RECQL: variants seen among roughly 807,000 people sequenced by gnomAD.
RECQL encodes the protein ATP-dependent DNA helicase Q1.
A neutral mutation model predicts 75.8 loss-of-function variants in RECQL; 73 were observed. That is an observed-to-expected ratio of 0.96 (90% confidence interval 0.80 to 1.17). The LOEUF (loss-of-function observed/expected upper bound fraction) is 1.17, where lower values mean the gene tolerates loss of function less well. Among genes scored for constraint, RECQL ranks in the 50% most tolerant of loss-of-function variants. The pLI, the probability that RECQL is intolerant of heterozygous loss-of-function variation, is 0.00. For synonymous variants in RECQL, 248 were observed against 254.4 expected (o/e 0.97, Z 0.24); for missense variants, 699 against 772.1 (o/e 0.91, Z 1.12).
chr12:21,477,574 T>C lies in RECQL; in HGVS notation c.867+229A>G, dbSNP rs143782902. Among the ~76,000 whole-genome samples the C allele has an allele frequency of 1.5e-3, 233 of 152,324 alleles. 2 individuals are homozygous for C. Among genetic ancestry groups the C allele is most frequent in the African/African-American group, 5.3e-3 (222 of 41,568 alleles). ...AAAGATATATGACTTACTCATATGT[T>C]TTATAAAAAGTATCACCTAGCAGGT... On this transcript the variant is annotated intron_variant, in intron 7 of 14. Coordinates refer to ENST00000444129, the MANE Select transcript of RECQL (RefSeq NM_002907.4).
intron 6 of RECQL, among the ~76,000 whole-genome samples, chr12:21,479,737 G>A (rs1225729669): frequency 6.6e-6 from 1 of 152,062 alleles, no homozygotes; most frequent in Non-Finnish European, 1.5e-5. Context: ...ACAAAACACT[G>A]AAGGAAAACC....
At chr12:21,485,957 T>C (rs1294504801) in intron 5 of RECQL, among the ~76,000 whole-genome samples, 1 of 152,156 alleles carries the variant, frequency 6.6e-6, no homozygotes, top group Admixed American at 6.5e-5. Flanking sequence ...AGGTATAGGG[T>C]AACTTCTTAA....
At chr12:21,476,590 C>T (rs573782826) in intron 8 of RECQL, among the ~76,000 whole-genome samples, 4 of 152,132 alleles carry the variant, frequency 2.6e-5, no homozygotes, top group African/African-American at 9.6e-5. Context: ...GTTGCTTAAT[C>T]CACTATTTTG....
At chr12:21,500,433 A>T (rs1943588172) in intron 1 of RECQL, among the ~76,000 whole-genome samples, 1 of 152,200 alleles carries the variant, frequency 6.6e-6, no homozygotes, top group Non-Finnish European at 1.5e-5. Context: ...GATGCTCTCC[A>T]AAAGTCACTT....
intron 5 of RECQL, among the ~76,000 whole-genome samples, chr12:21,485,502 C>T (rs970478523): frequency 6.6e-6 from 1 of 151,372 alleles, no homozygotes; most frequent in Non-Finnish European, 1.5e-5. Context: ...GGTATATCAA[C>T]CAAATACAAT....
At chr12:21,476,090 C>G (rs977428614) in intron 8 of RECQL, among the ~76,000 whole-genome samples, 7 of 152,026 alleles carry the variant, frequency 4.6e-5, no homozygotes, top group Admixed American at 6.6e-5. Flanking sequence ...TCCCACTAAA[C>G]AGTATTTCTC....
intron 11 of RECQL, among the ~76,000 whole-genome samples, chr12:21,474,373 CAGAA>C (rs1288643699): frequency 2.6e-5 from 4 of 152,024 alleles, no homozygotes; most frequent in Non-Finnish European, 4.4e-5. Flanking sequence ...ATAACTATGA[CAGAA>C]AGCTTTCAGG....
At chr12:21,472,581 C>G (rs969252034) in intron 12 of RECQL, among the ~76,000 whole-genome samples, 26 of 152,012 alleles carry the variant, frequency 1.7e-4, no homozygotes, top group Admixed American at 1.7e-3. Context: ...GGCATTGTCA[C>G]GGCATTTGTA....
intron 2 of RECQL, among the ~76,000 whole-genome samples, chr12:21,499,111 G>A (rs567175148): frequency 1.0e-3 from 156 of 152,254 alleles, no homozygotes; most frequent in Middle Eastern, 3.4e-3. Flanking sequence ...ATAGGCAAAA[G>A]CATGATTCCG....
rs752793904 is a variant in RECQL at position 21,483,343 on chromosome 12, C to T, written c.700+33G>A. 6.2e-6 allele frequency: 9 copies of T among 1,447,824 alleles called. No individual in the cohort carries two copies. The East Asian group carries it at 1.8e-4, about 30-fold the overall frequency. 89.7% of individuals were successfully genotyped at this position (1,447,824 alleles called of 1,614,324 possible). On this transcript the variant is annotated intron_variant, in intron 6 of 14. Transcript: ENST00000444129. ...AGCTGAGTAAGGACACGGTCTATGA[C>T]ATCAAAAAGTTTTCTAGATAAAACA... is the stretch of plus-strand genomic sequence containing the variant.
intron 1 of RECQL, among the ~76,000 whole-genome samples, chr12:21,500,247 G>C (rs1053761408): frequency 1.3e-5 from 2 of 152,192 alleles, no homozygotes; most frequent in Non-Finnish European, 2.9e-5. Context: ...TTCTAAGTTA[G>C]AGGTGGGGGG....
chr12:21,475,934 A>G, intron 8 of RECQL, 110 bp from the exon 9 acceptor site: 1 of 901,026 alleles, frequency 1.1e-6, no homozygotes, highest in East Asian at 2.6e-5. Context: ...AAGGAAAAAA[A>G]GAATTATGAA....
Position 21,477,892 on chromosome 12 carries a change from G to A in RECQL, c.778C>T (p.His260Tyr). 6.2e-7 allele frequency: 1 copy of A among 1,613,970 alleles called. No homozygotes were observed. Among genetic ancestry groups the A allele is most frequent in the Non-Finnish European group, 8.5e-7 (1 of 1,179,922 alleles). ...ATTTTCTGAGCATCCGTCAAAACGT[G>A]ATTTGTTGCAGTTGCAGTCAGCCCA... ...LIGLTATATN[H>Y]VLTDAQKILC... The change falls in exon 7 of 15, where the codon CAC becomes TAC. Residue 260 changes from histidine to tyrosine, a missense_variant. Coordinates refer to ENST00000444129, the MANE Select transcript of RECQL (RefSeq NM_002907.4).
At chr12:21,497,357 G>A (rs1405548622) in intron 2 of RECQL, among the ~76,000 whole-genome samples, 2 of 152,174 alleles carry the variant, frequency 1.3e-5, no homozygotes, top group African/African-American at 4.8e-5. Context: ...AAAAGATTCT[G>A]CATGATATAT....
At position 21,501,492 on chromosome 12, in the gene RECQL, T is replaced by TGACTGTCCGGTGTCC. The variant is rs1230863184; in HGVS notation, c.-383_-369dup. 8.2e-5 allele frequency: 14 copies of TGACTGTCCGGTGTCC among 171,488 alleles called. No homozygotes were observed. Among genetic ancestry groups the TGACTGTCCGGTGTCC allele is most frequent in the Admixed American group, 5.7e-4 (9 of 15,876 alleles). The allele number at this position is 171,488 out of a possible 1,614,324, so 10.6% of individuals were successfully genotyped here. On this transcript the variant is annotated 5_prime_UTR_variant, in exon 1 of 15. Transcript: ENST00000444129. Reference sequence around the variant, plus strand: ...AAGCCCGGTCTAACTCTCCGGTGTTTGACTGTCCGGTGTCCGACTGTCCTG... The same window carrying TGACTGTCCGGTGTCC: ...AAGCCCGGTCTAACTCTCCGGTGTTTGACTGTCCGGTGTCCGACTGTCCGGTGTCCGACTGTCCTG...
At chr12:21,491,978 T>C (rs2136757379) in intron 2 of RECQL, among the ~76,000 whole-genome samples, 1 of 152,322 alleles carries the variant, frequency 6.6e-6, no homozygotes, top group African/African-American at 2.4e-5. Flanking sequence ...TATCTAACTT[T>C]CATAGTATTT....
Position 21,473,534 on chromosome 12 carries a change from C to T in RECQL, c.1447+17G>A. 6.2e-7 allele frequency: 1 copy of T among 1,602,276 alleles called. No homozygotes were observed. Among genetic ancestry groups the T allele is most frequent in the Non-Finnish European group, 8.5e-7 (1 of 1,170,202 alleles). Reference sequence around the variant, plus strand: ...GACTGTATTAGCCTATAAAGGTTTACAAAACAACAAACTCACCACTGTCTT... The same window carrying T: ...GACTGTATTAGCCTATAAAGGTTTATAAAACAACAAACTCACCACTGTCTT... On this transcript the variant is annotated intron_variant, in intron 12 of 14. Transcript: ENST00000444129.
chr12:21,471,189 C>G, intron 13 of RECQL, 91 bp from the exon 14 acceptor site: 1 of 1,236,646 alleles, frequency 8.1e-7, no homozygotes, highest in Middle Eastern at 2.1e-4. Context: ...CGCAGTAATT[C>G]TTAACACATT....
rs1943114018 is a variant in RECQL, at chr12:21,477,818, T to C, written c.852A>G (p.Pro284=). The C allele has an allele frequency of 6.2e-7, 1 of 1,611,982 alleles. No individual in the cohort carries two copies. Among genetic ancestry groups the C allele is most frequent in the Non-Finnish European group, 8.5e-7 (1 of 1,178,678 alleles). The change falls in exon 7 of 15, where the codon CCA becomes CCG. Residue 284 remains proline (P), a synonymous_variant. Transcript: ENST00000444129. The part of the protein sequence containing the change: ...CFTFTASFNR[P]NLYYEVRQKP... The stretch of plus-strand genomic sequence containing the variant: ...AATTACATACCTCATAATATAGATT[T>C]GGCCTATTAAAAGAAGCTGTAAAAG...
Sources: gnomAD v4.1 joint callset for allele counts (sites outside exome capture counted in the v4.1 genomes callset) on GRCh38, gnomAD v4.1.1 for gene constraint, MANE v1.5 for transcripts, NCBI Gene and HGNC (gene_info 2026-07-23, HGNC 2026-07-21) for gene names.